The following FAM81A variants were observed in gnomAD, a reference collection of about 807,000 sequenced individuals.
FAM81A encodes family with sequence similarity 81 member A.
Under a neutral mutation model 46.7 loss-of-function variants are expected in FAM81A, and 19 were observed. The ratio of observed to expected loss-of-function variants is 0.41; its 90% confidence interval spans 0.28 to 0.60. FAM81A has a LOEUF of 0.60. Ranked by LOEUF, FAM81A falls within the 20% of genes least tolerant of loss-of-function variation. The pLI is 0.34. For missense variants in FAM81A, 377 were observed against 453.5 expected (o/e 0.83, Z 1.53); for synonymous variants, 183 against 152.9 (o/e 1.20, Z -1.45).
intron 4 of FAM81A, among the ~76,000 whole-genome samples, chr15:59,503,471 A>C (rs777991365): frequency 1.3e-5 from 2 of 152,114 alleles, no homozygotes; most frequent in Non-Finnish European, 2.9e-5. Context: ...AAGTTTTTCC[A>C]CATAACATGT....
Position 59,459,837 on chromosome 15 carries a change from G to A in FAM81A, c.21-96G>A, listed in dbSNP as rs1311731276. ...AAACCCTATTTAGCTTGTAGTTATA[G>A]ATAATTTGTATTTCCAGACTTCTCT... On this transcript the variant is annotated intron_variant, in intron 2 of 8. Coordinates refer to ENST00000288228, the MANE Select transcript of FAM81A (RefSeq NM_152450.3). 4.2e-6 allele frequency: 6 copies of A among 1,436,456 alleles called. 1 individual carries two copies. The highest frequency in any genetic ancestry group is 5.5e-6 in the Non-Finnish European group (6 of 1,090,854). The allele number at this position is 1,436,456 out of a possible 1,614,324, so 89.0% of individuals were successfully genotyped here. A position where few individuals can be genotyped will look rare whatever the true frequency, so the allele number is the denominator to read the frequency against.
At chr15:59,512,041 A>G (rs1214675695) in intron 6 of FAM81A, among the ~76,000 whole-genome samples, 1 of 152,250 alleles carries the variant, frequency 6.6e-6, no homozygotes, top group African/African-American at 2.4e-5. Flanking sequence ...TGGTATATTC[A>G]TAAAATTGAA....
rs112289194 is a variant in FAM81A, at chr15:59,410,303, AAAG to A, written c.-78+7960_-78+7962del. 1.5e-3 allele frequency among the ~76,000 whole-genome samples: 221 copies of A among 152,320 alleles called. 5 individuals are homozygous for A. The East Asian group carries it at 0.037, about 25-fold the overall frequency. ...AAGAGCGAAACTCCATGTCCAAAAA[AAAG>A]AAGAAGAAGAAGAAATTACTAGTAC... On this transcript the variant is annotated intron_variant, in intron 2 of 4. Coordinates refer to the FAM81A transcript ENST00000558348.
chr15:59,508,956 C>T lies in FAM81A; in HGVS notation c.637C>T (p.Leu213Phe), dbSNP rs1322803211. 1 of 1,612,090 alleles carries T rather than the reference C, an allele frequency of 6.2e-7. No homozygotes were observed. Among genetic ancestry groups the T allele is most frequent in the Non-Finnish European group, 8.5e-7 (1 of 1,178,922 alleles). ...SHRDSNHQLQ[L>F]LDTKFKGTVE... ...CAGAGACAGTAACCACCAGCTTCAG[C>T]TTTTGGACACTAAGTAAGCAATCAA... Residue 213 changes from leucine to phenylalanine, a missense_variant, in exon 6 of 9, where the codon CTT becomes TTT. Leu to Phe is a conservative substitution (Grantham distance 22). Coordinates refer to ENST00000288228, the MANE Select transcript of FAM81A (RefSeq NM_152450.3).
intron 3 of FAM81A, among the ~76,000 whole-genome samples, chr15:59,473,568 A>C (rs1426059756): frequency 6.6e-6 from 1 of 152,120 alleles, no homozygotes; most frequent in East Asian, 1.9e-4. Flanking sequence ...TTACTTCCCC[A>C]TTCTTAGAAT....
chr15:59,492,173 T>G, intron 3 of FAM81A, 98 bp from the exon 4 acceptor site: 1 of 820,366 alleles, frequency 1.2e-6, no homozygotes, highest in South Asian at 1.6e-5. Context: ...TATGAAAGAC[T>G]GAGTTAAACA....
chr15:59,453,313 GTC>G (rs2081441555), intron 1 of FAM81A, among the ~76,000 whole-genome samples: 1 of 152,204 alleles, frequency 6.6e-6, no homozygotes, highest in South Asian at 2.1e-4. Context: ...ACATTTCTAA[GTC>G]TCTGTTTCCT....
At position 59,516,688 on chromosome 15, in the gene FAM81A, C is replaced by A; in HGVS notation, c.830C>A (p.Ser277Ter). ...RDMEKKLSQM[S>*]ARLDKIEEGQ... ...ATGGAGAAGAAGCTCAGCCAGATGT[C>A]AGCCAGGCTTGACAAAATAGAAGAG... is the stretch of plus-strand genomic sequence containing the variant. The change falls in exon 8 of 9, where the codon TCA becomes TAA. Residue 277 changes from serine to a stop codon, truncating the protein, a stop_gained. Transcript: ENST00000288228. LOFTEE classifies it high-confidence loss of function. 1 of 1,613,460 alleles carries A rather than the reference C, an allele frequency of 6.2e-7. No individual in the cohort carries two copies. The highest frequency in any genetic ancestry group is 1.1e-5 in the South Asian group (1 of 90,994).
At chr15:59,419,992 C>T (rs1437364892) in intron 2 of FAM81A, among the ~76,000 whole-genome samples, 2 of 152,214 alleles carry the variant, frequency 1.3e-5, no homozygotes, top group East Asian at 3.8e-4. Context: ...CCCCTTTCCC[C>T]TTCACACTCC....
chr15:59,459,963 G>A lies in FAM81A; in HGVS notation c.51G>A (p.Gln17=). ...TGAGAACCATGCCCCGACACAGCCA[G>A]TCCCTGACCATGGCACCATACTCAT... ...RRVRTMPRHS[Q]SLTMAPYSSV... is the part of the protein sequence containing the mutation. Residue 17 remains glutamine, a synonymous_variant, in exon 3 of 9, where the codon CAG becomes CAA. Transcript: ENST00000288228. 6.2e-7 allele frequency: 1 copy of A among 1,610,220 alleles called. No individual in the cohort carries two copies. Among genetic ancestry groups the A allele is most frequent in the Non-Finnish European group, 8.5e-7 (1 of 1,178,098 alleles).
intron 3 of FAM81A, among the ~76,000 whole-genome samples, chr15:59,462,708 T>C (rs1048307001): frequency 1.1e-4 from 17 of 152,338 alleles, no homozygotes; most frequent in African/African-American, 4.1e-4. Flanking sequence ...TATTCTATTT[T>C]CTGTCCTTAT....
intron 1 of FAM81A, among the ~76,000 whole-genome samples, chr15:59,457,818 ATAGT>A (rs1182249754): frequency 2.0e-5 from 3 of 152,228 alleles, no homozygotes; most frequent in Non-Finnish European, 4.4e-5. Flanking sequence ...GAATCAGATC[ATAGT>A]TAGTAGGCAT....
intron 1 of FAM81A, among the ~76,000 whole-genome samples, chr15:59,398,605 A>G (rs1009417118): frequency 4.6e-5 from 7 of 151,726 alleles, no homozygotes; most frequent in Non-Finnish European, 8.8e-5. Context: ...TCAAAAAAAG[A>G]AAATTATTGG....
intron 3 of FAM81A, among the ~76,000 whole-genome samples, chr15:59,465,977 A>G (rs1355611448): frequency 6.6e-6 from 1 of 151,978 alleles, no homozygotes; most frequent in Non-Finnish European, 1.5e-5. Context: ...TAGTTTGCTG[A>G]GAAAGTTTGC....
At chr15:59,441,924 G>A (rs997854955) in intron 1 of FAM81A, among the ~76,000 whole-genome samples, 11 of 152,136 alleles carry the variant, frequency 7.2e-5, no homozygotes, top group Non-Finnish European at 1.0e-4. Flanking sequence ...CACTTTCCCC[G>A]CGCCTCACTG....
intron 2 of FAM81A, among the ~76,000 whole-genome samples, chr15:59,410,657 G>T (rs960026): frequency 0.94 from 143,798 of 152,364 alleles, 68,433 homozygotes; most frequent in East Asian, 1. Flanking sequence ...CATCCTGTGT[G>T]TGAAAGAAAG....
intron 3 of FAM81A, among the ~76,000 whole-genome samples, chr15:59,482,841 C>T (rs1167382019): frequency 6.6e-6 from 1 of 152,208 alleles, no homozygotes; most frequent in African/African-American, 2.4e-5. Context: ...CCAGCGCCTT[C>T]TCATCAGTGG....
intron 4 of FAM81A, among the ~76,000 whole-genome samples, chr15:59,494,561 T>C (rs978105722): frequency 6.6e-6 from 1 of 152,226 alleles, no homozygotes; most frequent in African/African-American, 2.4e-5. Flanking sequence ...ACTTGTTGCT[T>C]CCCTGTAACA....
chr15:59,466,472 T>A (rs1190747908), intron 3 of FAM81A, among the ~76,000 whole-genome samples: 1 of 151,350 alleles, frequency 6.6e-6, no homozygotes, highest in East Asian at 1.9e-4. Flanking sequence ...ATGAGCATTT[T>A]TTCATGTGTC....
Sources: gnomAD v4.1 joint callset for allele counts (sites outside exome capture counted in the v4.1 genomes callset) on GRCh38, gnomAD v4.1.1 for gene constraint, MANE v1.5 for transcripts, NCBI Gene and HGNC (gene_info 2026-07-23, HGNC 2026-07-21) for gene names.